Variants in NLRP5 observed in about 807,000 individuals in gnomAD.
The protein encoded by NLRP5 is NLR family pyrin domain containing 5, also known as NACHT, LRR and PYD domains-containing protein 5.
Under a neutral mutation model 113.1 loss-of-function variants are expected in NLRP5, and 93 were observed. The observed-to-expected ratio is 0.82, with a 90% confidence interval of 0.70 to 0.98. The LOEUF (loss-of-function observed/expected upper bound fraction) is 0.98. NLRP5 is among the 50% of genes least tolerant of loss of function. The pLI is 0.00. For missense variants in NLRP5, 1,808 were observed against 1,514.3 expected (o/e 1.19, Z -3.22); for synonymous variants, 751 against 600.7 (o/e 1.25, Z -3.66).
At chr19:56,007,518 G>C (rs1337932037) in intron 2 of NLRP5, among the ~76,000 whole-genome samples, 1 of 151,180 alleles carries the variant, frequency 6.6e-6, no homozygotes, top group East Asian at 1.9e-4. Flanking sequence ...TGAGCATAAA[G>C]TCAGGGCATC....
the NLRP5 span, among the ~76,000 whole-genome samples, chr19:55,993,076 C>A: frequency 6.6e-6 from 1 of 151,502 alleles, no homozygotes; most frequent in Non-Finnish European, 1.5e-5. Flanking sequence ...CTTGAACTCC[C>A]GACCTCAGGT....
chr19:56,040,948 C>G lies in NLRP5; in HGVS notation c.2813C>G (p.Thr938Arg). 6.2e-7 allele frequency: 1 copy of G among 1,613,894 alleles called. No individual in the cohort carries two copies. Among genetic ancestry groups the G allele is most frequent in the Admixed American group, 1.7e-5 (1 of 60,004 alleles). ...CTGGAGGACTGTGGCATCACAGCCA[C>G]GGGTTGCCAGAGTCTGGCCTCAGCC... Residue 938 changes from threonine to arginine, a missense_variant, in exon 11 of 15, where the codon ACG becomes AGG. By Grantham distance (71) the Thr-to-Arg change is moderately conservative. Coordinates refer to ENST00000390649, the MANE Select transcript of NLRP5 (RefSeq NM_153447.4).
chr19:55,997,944 C>A (rs1981384743), upstream of NLRP5, among the ~76,000 whole-genome samples: 1 of 151,972 alleles, frequency 6.6e-6, no homozygotes, highest in Non-Finnish European at 1.5e-5. Context: ...TCCATTGAAG[C>A]TATATATTTT....
chr19:56,036,528 G>C (rs1410263195), intron 9 of NLRP5, among the ~76,000 whole-genome samples: 1 of 152,230 alleles, frequency 6.6e-6, no homozygotes, highest in East Asian at 1.9e-4. Context: ...ATGTGCTGAT[G>C]AACAAAACGA....
chr19:56,015,053 T>G (rs567922400), intron 3 of NLRP5, among the ~76,000 whole-genome samples: 1 of 152,222 alleles, frequency 6.6e-6, no homozygotes, highest in Non-Finnish European at 1.5e-5. Context: ...AGGTGGTCTT[T>G]CCATTAATTT....
intron 2 of NLRP5, among the ~76,000 whole-genome samples, chr19:56,008,094 A>C (rs1982018379): frequency 7.0e-6 from 1 of 142,264 alleles, no homozygotes; most frequent in Non-Finnish European, 1.6e-5. Context: ...ACGCCCGGCT[A>C]ATTTTTTGTA....
chr19:56,021,768 C>G (rs1007386833), intron 6 of NLRP5, among the ~76,000 whole-genome samples: 1 of 152,132 alleles, frequency 6.6e-6, no homozygotes, highest in Non-Finnish European at 1.5e-5. Flanking sequence ...AACAGTGTTC[C>G]CTGAACACTC....
rs761221406 is a variant in NLRP5, at chr19:56,028,340, G to A, written c.2107G>A (p.Ala703Thr). ...TCAAGACAAAGAGTTTGTTCGCTTG[G>A]CATTAAACAGCTTCCAAGAAGTGTG... The change falls in exon 7 of 15, where the codon GCA becomes ACA. Residue 703 changes from alanine (A) to threonine (T), a missense_variant. By Grantham distance (58) the Ala-to-Thr change is moderately conservative. Coordinates refer to ENST00000390649, the MANE Select transcript of NLRP5 (RefSeq NM_153447.4). 2 of 1,613,976 alleles carry A rather than the reference G, an allele frequency of 1.2e-6. No individual in the cohort carries two copies. Among genetic ancestry groups the A allele is most frequent in the Admixed American group, 1.7e-5 (1 of 60,020 alleles).
intron 11 of NLRP5, among the ~76,000 whole-genome samples, chr19:56,042,452 G>C (rs916664005): frequency 1.3e-5 from 2 of 152,076 alleles, no homozygotes; most frequent in South Asian, 2.1e-4. Flanking sequence ...AGGTTCAAGC[G>C]ATTCTCCTGC....
chr19:56,032,715 C>T lies in NLRP5; in HGVS notation c.2381C>T (p.Thr794Ile). 3.7e-6 allele frequency: 6 copies of T among 1,613,474 alleles called. No individual in the cohort carries two copies. Among genetic ancestry groups the T allele is most frequent in the Non-Finnish European group, 5.1e-6 (6 of 1,179,798 alleles). Residue 794 changes from threonine (T) to isoleucine (I), a missense_variant, in exon 8 of 15, where the codon ACA becomes ATA. Physicochemically the swap from Thr to Ile is moderately conservative, Grantham distance 89. Transcript: ENST00000390649. Reference sequence around the variant, plus strand: ...CTGGACCTGGGCAGCAGCATCCTGACAGAGCGGGCCATGAAGACCCTGTGT... The same window carrying T: ...CTGGACCTGGGCAGCAGCATCCTGATAGAGCGGGCCATGAAGACCCTGTGT...
upstream of NLRP5, among the ~76,000 whole-genome samples, chr19:55,997,842 G>A (rs956707131): frequency 6.8e-6 from 1 of 146,484 alleles, no homozygotes; most frequent in African/African-American, 2.6e-5. Flanking sequence ...CAGCCTGGGT[G>A]ACAGAGCAAC....
intron 1 of NLRP5, among the ~76,000 whole-genome samples, chr19:56,000,802 TAG>T (rs1364940664): frequency 1.3e-5 from 2 of 150,676 alleles, no homozygotes; most frequent in Non-Finnish European, 3.0e-5. Context: ...GGTCAAGAGA[TAG>T]AGACCATCCT....
intron 14 of NLRP5, among the ~76,000 whole-genome samples, chr19:56,060,472 A>C (rs1388632438): frequency 6.6e-6 from 1 of 152,134 alleles, no homozygotes; most frequent in African/African-American, 2.4e-5. Context: ...ACTCTGAAGA[A>C]AATGACGTTC....
At chr19:55,989,438 A>C in the NLRP5 span, among the ~76,000 whole-genome samples, 2 of 152,170 alleles carry the variant, frequency 1.3e-5, no homozygotes, top group Non-Finnish European at 2.9e-5. Flanking sequence ...TTTTTAGTAG[A>C]GACGGGGTTT....
rs562649335 is a variant in NLRP5 at position 56,007,594 on chromosome 19, C to A, written c.443-1194C>A. 6.0e-5 allele frequency among the ~76,000 whole-genome samples: 9 copies of A among 151,072 alleles called. No individual in the cohort carries two copies. In the East Asian group the frequency reaches 1.6e-3, roughly 26 times the overall value. On this transcript the variant is annotated intron_variant, in intron 2 of 14. Transcript: ENST00000390649. The stretch of plus-strand genomic sequence containing the variant: ...TGAGCAGGAGGTGAAGACGGAGGGA[C>A]TAGAAGTCAGATAACATGGCATCTT...
chr19:56,059,491 G>A (rs565512950), intron 14 of NLRP5, among the ~76,000 whole-genome samples: 2 of 152,220 alleles, frequency 1.3e-5, no homozygotes, highest in Non-Finnish European at 2.9e-5. Context: ...TGTACAGCTG[G>A]CAGCATTGAT....
In NLRP5 at chr19:56,061,626, G is replaced by T; in HGVS notation, c.*98G>T. 1.6e-6 allele frequency: 2 copies of T among 1,279,364 alleles called. No homozygotes were observed. The highest frequency in any genetic ancestry group is 2.2e-6 in the Non-Finnish European group (2 of 896,380). 79.3% of individuals were successfully genotyped at this position (1,279,364 alleles called of 1,614,324 possible). On this transcript the variant is annotated 3_prime_UTR_variant, in exon 15 of 15. Coordinates refer to ENST00000390649, the MANE Select transcript of NLRP5 (RefSeq NM_153447.4). ...ATGCACCTGGGAGTTCCTTCTCAAAGATGGAGAATGATTTCTGATTCTCAC... is the reference window on the plus strand; with the variant it reads ...ATGCACCTGGGAGTTCCTTCTCAAATATGGAGAATGATTTCTGATTCTCAC...
chr19:56,005,160 T>A (rs1281927288), intron 2 of NLRP5, among the ~76,000 whole-genome samples: 1 of 143,820 alleles, frequency 7.0e-6, no homozygotes, highest in South Asian at 2.2e-4. Context: ...CACACACATA[T>A]ACACATATAT....
rs576769434 is a variant in NLRP5 at position 56,021,819 on chromosome 19, G to A, written c.679+1388G>A. 3.9e-5 allele frequency among the ~76,000 whole-genome samples: 6 copies of A among 152,318 alleles called. 1 individual carries two copies. The South Asian group carries it at 1.2e-3, about 32-fold the overall frequency. On this transcript the variant is annotated intron_variant, in intron 6 of 14. Transcript: ENST00000390649. ...GTGATGGAAAGAAGTGACTTGACTA[G>A]CATGAGATATTGAAGATATAAAGCT...
Sources: allele counts gnomAD v4.1 joint callset (sites outside exome capture counted in the v4.1 genomes callset), GRCh38; gene constraint gnomAD v4.1.1; transcripts MANE v1.5; gene names NCBI Gene and HGNC (gene_info 2026-07-23, HGNC 2026-07-21).